Variants in DSCAM observed in about 807,000 individuals in gnomAD.
DSCAM encodes DS cell adhesion molecule, also known as cell adhesion molecule DSCAM.
A neutral mutation model predicts 217.7 loss-of-function variants in DSCAM; 47 were observed. The observed-to-expected ratio is 0.22, with a 90% CI of 0.17 to 0.28. DSCAM has a LOEUF of 0.28. Ranked by LOEUF, DSCAM falls within the 10% of genes least tolerant of loss-of-function variation. DSCAM has a pLI of 1.00. For synonymous variants in DSCAM, 1,056 were observed against 1,015.3 expected, an observed-to-expected ratio of 1.04 and a Z score of -0.76; for missense variants, 2,080 against 2,618.3, an observed-to-expected ratio of 0.79 and a Z score of 4.49.
chr21:40,831,313 AC>A, intron 1 of DSCAM, among the ~76,000 whole-genome samples: 1 of 152,190 alleles, frequency 6.6e-6, no homozygotes, highest in Non-Finnish European at 1.5e-5. Context: ...GTATGCACAC[AC>A]ACACAGGCAC....
chr21:40,624,408 C>T (rs147284491), intron 3 of DSCAM, among the ~76,000 whole-genome samples: 1 of 152,232 alleles, frequency 6.6e-6, no homozygotes, highest in East Asian at 1.9e-4. Flanking sequence ...ACCAGCACTG[C>T]TGTAAGATCG....
chr21:40,521,113 A>AT (rs1446817532), intron 3 of DSCAM, among the ~76,000 whole-genome samples: 1 of 152,176 alleles, frequency 6.6e-6, no homozygotes, highest in Non-Finnish European at 1.5e-5. Flanking sequence ...AACCGGGGTC[A>AT]TTTTTGACCT....
rs553140587 is a variant in DSCAM, at chr21:40,758,295, C to T, written c.44-49524G>A. On this transcript the variant is annotated intron_variant, in intron 1 of 32. Coordinates refer to ENST00000400454, the MANE Select transcript of DSCAM (RefSeq NM_001389.5). ...TGTGTGGCACTTTGTTACGGCTGTCCTAGGACATTAGTGTATATTCTGAGA... is the reference window on the plus strand; with the variant it reads ...TGTGTGGCACTTTGTTACGGCTGTCTTAGGACATTAGTGTATATTCTGAGA... Among the ~76,000 whole-genome samples the T allele has an allele frequency of 3.9e-5, 6 of 152,196 alleles. No homozygotes were observed. In the South Asian group the frequency reaches 1.2e-3, roughly 32 times the overall value.
intron 3 of DSCAM, among the ~76,000 whole-genome samples, chr21:40,388,573 A>C (rs2075107066): frequency 6.6e-6 from 1 of 152,190 alleles, no homozygotes; most frequent in Non-Finnish European, 1.5e-5. Flanking sequence ...CAGTTTCCAT[A>C]AGGCTGTCAT....
intron 3 of DSCAM, among the ~76,000 whole-genome samples, chr21:40,433,292 T>G (rs1299492959): frequency 7.0e-6 from 1 of 143,014 alleles, no homozygotes; most frequent in African/African-American, 2.6e-5. Flanking sequence ...GAGACTGCAG[T>G]GAGCTGAGAT....
intron 11 of DSCAM, among the ~76,000 whole-genome samples, chr21:40,266,071 A>G (rs117845826): frequency 0.011 from 1,655 of 152,332 alleles, 9 homozygotes; most frequent in Non-Finnish European, 0.019. Context: ...CAGACAACCT[A>G]CAGAATGGAA....
chr21:40,205,418 C>A (rs61182399), intron 11 of DSCAM, among the ~76,000 whole-genome samples: 15 of 152,030 alleles, frequency 9.9e-5, no homozygotes, highest in African/African-American at 3.6e-4. Flanking sequence ...GACCGGCCAA[C>A]ATGGCAAAAC....
intron 3 of DSCAM, among the ~76,000 whole-genome samples, chr21:40,663,267 TGG>T (rs11311969): frequency 6.0e-4 from 69 of 115,966 alleles, no homozygotes; most frequent in Middle Eastern, 9.8e-3. Context: ...AGTGTGTGTG[TGG>T]GGGGGGTGTA....
At chr21:40,301,845 G>A (rs916977440) in intron 9 of DSCAM, among the ~76,000 whole-genome samples, 2 of 152,178 alleles carry the variant, frequency 1.3e-5, no homozygotes, top group African/African-American at 4.8e-5. Flanking sequence ...GCAGATCAGG[G>A]TGACCCCCAA....
At chr21:40,750,076 C>T (rs896526910) in intron 1 of DSCAM, among the ~76,000 whole-genome samples, 3 of 151,996 alleles carry the variant, frequency 2.0e-5, no homozygotes, top group Non-Finnish European at 2.9e-5. Flanking sequence ...TACAGGTGCC[C>T]GCCACCACAC....
intron 1 of DSCAM, among the ~76,000 whole-genome samples, chr21:40,810,798 A>G (rs1015868436): frequency 5.9e-5 from 9 of 152,308 alleles, no homozygotes; most frequent in African/African-American, 2.2e-4. Context: ...CCAGCTACTC[A>G]GGAGGCTGAG....
intron 8 of DSCAM, among the ~76,000 whole-genome samples, chr21:40,327,080 C>T (rs890591055): frequency 6.6e-6 from 1 of 151,762 alleles, no homozygotes; most frequent in African/African-American, 2.4e-5. Context: ...ATAAAAGATC[C>T]TACCGCATGG....
chr21:40,469,511 G>T (rs1314131232), intron 3 of DSCAM, among the ~76,000 whole-genome samples: 1 of 152,156 alleles, frequency 6.6e-6, no homozygotes, highest in Non-Finnish European at 1.5e-5. Flanking sequence ...AAATCATTTT[G>T]TGCTTTGAAG....
chr21:40,674,406 T>G (rs2090312422), intron 3 of DSCAM, among the ~76,000 whole-genome samples: 1 of 152,164 alleles, frequency 6.6e-6, no homozygotes, highest in African/African-American at 2.4e-5. Context: ...TAATCTGAAG[T>G]TTCAAGTAAA....
chr21:40,204,362 G>A (rs943316742), intron 11 of DSCAM, among the ~76,000 whole-genome samples: 4 of 152,118 alleles, frequency 2.6e-5, no homozygotes, highest in Non-Finnish European at 5.9e-5. Context: ...AAGACTAGAG[G>A]GCAATGGCTC....
chr21:40,765,228 C>T (rs2091376110), intron 1 of DSCAM, among the ~76,000 whole-genome samples: 1 of 152,166 alleles, frequency 6.6e-6, no homozygotes, highest in Non-Finnish European at 1.5e-5. Context: ...ATGTCATTGC[C>T]ATGAAGATTT....
At chr21:40,192,360 T>C (rs9980806) in intron 11 of DSCAM, among the ~76,000 whole-genome samples, 1 of 151,886 alleles carries the variant, frequency 6.6e-6, no homozygotes, top group African/African-American at 2.4e-5. Context: ...ATCATAGGGG[T>C]GGTTACCTCC....
chr21:40,370,966 T>A (rs1254149354), intron 3 of DSCAM, among the ~76,000 whole-genome samples: 1 of 152,150 alleles, frequency 6.6e-6, no homozygotes, highest in Non-Finnish European at 1.5e-5. Context: ...TTATGAATTA[T>A]CATGAGTTAG....
intron 1 of DSCAM, among the ~76,000 whole-genome samples, chr21:40,827,446 G>A (rs2091977976): frequency 7.6e-6 from 1 of 131,458 alleles, no homozygotes; most frequent in Admixed American, 8.9e-5. Flanking sequence ...GCCAGCCTAG[G>A]CCACAGAGTC....
Sources: allele counts gnomAD v4.1 joint callset (sites outside exome capture counted in the v4.1 genomes callset), GRCh38; gene constraint gnomAD v4.1.1; transcripts MANE v1.5; gene names NCBI Gene and HGNC (gene_info 2026-07-23, HGNC 2026-07-21).